The following GABRB3 variants were observed in gnomAD, a reference collection of about 807,000 sequenced individuals.
GABRB3 encodes gamma-aminobutyric acid receptor subunit beta-3.
A neutral mutation model predicts 52.1 loss-of-function variants in GABRB3; 14 were observed. That is an observed-to-expected ratio of 0.27 (90% CI 0.18 to 0.42). GABRB3 has a LOEUF of 0.42. GABRB3 is among the 10% of genes least tolerant of loss of function. The pLI, the probability that GABRB3 is intolerant of heterozygous loss-of-function variation, is 1.00. For missense variants in GABRB3, 307 were observed against 609.1 expected, an observed-to-expected ratio of 0.50 and a Z score of 5.22; for synonymous variants, 260 against 232.3, an observed-to-expected ratio of 1.12 and a Z score of -1.08.
At chr15:26,548,576 C>T (rs1889345706) in intron 8 of GABRB3, among the ~76,000 whole-genome samples, 1 of 152,142 alleles carries the variant, frequency 6.6e-6, no homozygotes, top group East Asian at 1.9e-4. Flanking sequence ...CAAATTACTA[C>T]AGAGAAACAC....
At chr15:26,646,671 T>C (rs934693944) in intron 3 of GABRB3, among the ~76,000 whole-genome samples, 3 of 152,156 alleles carry the variant, frequency 2.0e-5, no homozygotes, top group African/African-American at 7.2e-5. Flanking sequence ...CAGCAACATA[T>C]AAAGTTTCCA....
At chr15:26,704,956 G>T (rs1566812598) in intron 3 of GABRB3, among the ~76,000 whole-genome samples, 1 of 152,038 alleles carries the variant, frequency 6.6e-6, no homozygotes, top group Non-Finnish European at 1.5e-5. Context: ...TTTTTCCAGC[G>T]TTCACTTCAG....
chr15:26,741,060 G>GTGTGTC (rs1305238816), intron 3 of GABRB3, among the ~76,000 whole-genome samples: 6 of 150,350 alleles, frequency 4.0e-5, no homozygotes, highest in Non-Finnish European at 4.5e-5. Flanking sequence ...GTGTGTGTGT[G>GTGTGTC]TGTGTGTGTG....
intron 3 of GABRB3, among the ~76,000 whole-genome samples, chr15:26,647,276 G>A (rs190940371): frequency 5.6e-4 from 85 of 152,282 alleles, no homozygotes; most frequent in Non-Finnish European, 1.1e-3. Context: ...TATATGCTTT[G>A]CAAATATTTT....
intron 3 of GABRB3, among the ~76,000 whole-genome samples, chr15:26,688,435 A>C (rs1200517411): frequency 6.6e-6 from 1 of 152,188 alleles, no homozygotes; most frequent in Admixed American, 6.5e-5. Flanking sequence ...TCCATGGATT[A>C]AGCTTCTAGG....
intron 3 of GABRB3, among the ~76,000 whole-genome samples, chr15:26,709,445 G>C (rs561792185): frequency 5.5e-4 from 84 of 151,624 alleles, no homozygotes; most frequent in African/African-American, 2.0e-3. Context: ...ACAAGATGCT[G>C]ATGGTGCCAT....
intron 8 of GABRB3, among the ~76,000 whole-genome samples, chr15:26,556,254 T>C (rs909118770): frequency 4.6e-5 from 7 of 152,220 alleles, no homozygotes; most frequent in African/African-American, 1.2e-4. Context: ...ATTCAGAATA[T>C]AGCACAGAGA....
intron 3 of GABRB3, among the ~76,000 whole-genome samples, chr15:26,758,671 C>G (rs2140180367): frequency 6.6e-6 from 1 of 152,272 alleles, no homozygotes; most frequent in East Asian, 1.9e-4. Context: ...AGAGTTGATT[C>G]TACCCCAGGT....
chr15:26,761,214 G>A (rs1021714439), intron 3 of GABRB3, among the ~76,000 whole-genome samples: 1 of 152,086 alleles, frequency 6.6e-6, no homozygotes, highest in Non-Finnish European at 1.5e-5. Flanking sequence ...CCAACATAGT[G>A]AAACCCCGTC....
chr15:26,716,532 C>T (rs1294521814), intron 3 of GABRB3: 2 of 938,292 alleles, frequency 2.1e-6, no homozygotes, highest in East Asian at 1.2e-4. Flanking sequence ...TGCAAGTTCC[C>T]CAAGCAGGTC....
At chr15:26,760,629 T>C (rs1287751279) in intron 3 of GABRB3, among the ~76,000 whole-genome samples, 1 of 152,146 alleles carries the variant, frequency 6.6e-6, no homozygotes, top group Non-Finnish European at 1.5e-5. Context: ...TATTTTATGA[T>C]TGAAAAGTGG....
chr15:26,565,263 T>C (rs767602063), intron 7 of GABRB3, among the ~76,000 whole-genome samples: 1 of 152,200 alleles, frequency 6.6e-6, no homozygotes, highest in Non-Finnish European at 1.5e-5. Context: ...CCAGTGACTG[T>C]AGATCTAGAC....
chr15:26,609,484 G>A (rs1053342033), intron 4 of GABRB3, among the ~76,000 whole-genome samples: 5 of 152,018 alleles, frequency 3.3e-5, no homozygotes, highest in East Asian at 1.9e-4. Flanking sequence ...GATATAAAAC[G>A]CATTTTAAAA....
At chr15:26,622,892 G>T (rs927986427) in intron 3 of GABRB3, among the ~76,000 whole-genome samples, 3 of 152,126 alleles carry the variant, frequency 2.0e-5, no homozygotes, top group African/African-American at 7.2e-5. Flanking sequence ...AAAATTAAGA[G>T]TGGAAGGAAA....
chr15:26,551,722 T>G (rs777958394), intron 8 of GABRB3, among the ~76,000 whole-genome samples: 1 of 152,128 alleles, frequency 6.6e-6, no homozygotes, highest in Non-Finnish European at 1.5e-5. Context: ...GTCTTCCTTA[T>G]AGTTTACAGG....
chr15:26,620,196 T>C (rs1272700808), intron 4 of GABRB3, among the ~76,000 whole-genome samples: 1 of 152,110 alleles, frequency 6.6e-6, no homozygotes, highest in African/African-American at 2.4e-5. Context: ...TAGACTCTTT[T>C]TGAAGGAACA....
intron 4 of GABRB3, among the ~76,000 whole-genome samples, chr15:26,617,405 G>GA (rs1216407246): frequency 6.6e-6 from 1 of 151,496 alleles, no homozygotes; most frequent in African/African-American, 2.4e-5. Flanking sequence ...CAGAACCAAA[G>GA]AAAAAAACCA....
upstream of GABRB3, chr15:26,773,517 C>G (rs1363748163): frequency 1.7e-6 from 1 of 581,256 alleles, no homozygotes; most frequent in Non-Finnish European, 2.7e-6. Flanking sequence ...CGAAGTTGGC[C>G]CCGCACGACG....
intron 4 of GABRB3, among the ~76,000 whole-genome samples, chr15:26,618,697 T>C (rs370799725): frequency 9.2e-5 from 14 of 152,064 alleles, no homozygotes; most frequent in Admixed American, 8.5e-4. Flanking sequence ...AGCTTCTGCA[T>C]AGCAAAAGAA....
Sources: allele counts gnomAD v4.1 joint callset (sites outside exome capture counted in the v4.1 genomes callset), GRCh38; gene constraint gnomAD v4.1.1; transcripts MANE v1.5; gene names NCBI Gene and HGNC (gene_info 2026-07-23, HGNC 2026-07-21).